Variants in ARB2A observed in about 807,000 individuals in gnomAD.
The protein encoded by ARB2A is cotranscriptional regulator ARB2A.
chr5:93,961,817 A>C, the ARB2A span, among the ~76,000 whole-genome samples: 1 of 152,246 alleles, frequency 6.6e-6, no homozygotes, highest in Non-Finnish European at 1.5e-5. Context: ...GTTGACTTTC[A>C]AAATATGAGA....
At chr5:94,098,611 A>T in the ARB2A span, among the ~76,000 whole-genome samples, 1 of 152,210 alleles carries the variant, frequency 6.6e-6, no homozygotes, top group Non-Finnish European at 1.5e-5. Context: ...CAAAGCTAGA[A>T]GACAAGCAAT....
chr5:93,907,956 A>G, the ARB2A span, among the ~76,000 whole-genome samples: 3 of 151,246 alleles, frequency 2.0e-5, no homozygotes, highest in Admixed American at 2.0e-4. Context: ...AGAAGGCAAA[A>G]ATTTGACAAT....
the ARB2A span, among the ~76,000 whole-genome samples, chr5:93,849,692 T>C: frequency 6.6e-6 from 1 of 152,146 alleles, no homozygotes; most frequent in Non-Finnish European, 1.5e-5. Flanking sequence ...GACTGACATA[T>C]GCAAATTTTT....
the ARB2A span, among the ~76,000 whole-genome samples, chr5:94,089,090 G>T: frequency 1.3e-5 from 2 of 152,186 alleles, no homozygotes; most frequent in Non-Finnish European, 2.9e-5. Flanking sequence ...GGGAGGACTT[G>T]ATGTTAGAAT....
chr5:93,816,761 TA>T, the ARB2A span, among the ~76,000 whole-genome samples: 2 of 152,108 alleles, frequency 1.3e-5, no homozygotes, highest in African/African-American at 2.4e-5. Flanking sequence ...ATGAAGGATA[TA>T]AAAGGATATA....
At chr5:93,740,908 C>T in the ARB2A span, 102 of 1,613,874 alleles carry the variant, frequency 6.3e-5, no homozygotes, top group Admixed American at 1.2e-3. Flanking sequence ...TCCGATTCGT[C>T]GCTCTCTGCT....
At chr5:93,837,789 G>C in the ARB2A span, among the ~76,000 whole-genome samples, 1 of 152,044 alleles carries the variant, frequency 6.6e-6, no homozygotes. Context: ...TCGTATGCTT[G>C]TTGGCCACAT....
the ARB2A span, among the ~76,000 whole-genome samples, chr5:93,893,760 T>C: frequency 6.6e-6 from 1 of 152,234 alleles, no homozygotes; most frequent in Non-Finnish European, 1.5e-5. Context: ...AGATGCCATT[T>C]AGCCAAAGGT....
the ARB2A span, among the ~76,000 whole-genome samples, chr5:93,729,135 C>G: frequency 6.6e-6 from 1 of 152,120 alleles, no homozygotes; most frequent in Admixed American, 6.5e-5. Context: ...TCTCTCCTCA[C>G]CTCGCTCCAC....
chr5:94,036,131 T>C, the ARB2A span, among the ~76,000 whole-genome samples: 43 of 152,320 alleles, frequency 2.8e-4, no homozygotes, highest in African/African-American at 1.0e-3. Context: ...TTCCAAATAT[T>C]TGAAGTATTT....
chr5:93,966,986 T>A, the ARB2A span, among the ~76,000 whole-genome samples: 1 of 151,750 alleles, frequency 6.6e-6, no homozygotes, highest in Non-Finnish European at 1.5e-5. Flanking sequence ...CCTGTCTACA[T>A]CTTTTGAGGG....
the ARB2A span, among the ~76,000 whole-genome samples, chr5:93,622,578 G>A: frequency 6.6e-6 from 1 of 152,174 alleles, no homozygotes; most frequent in Non-Finnish European, 1.5e-5. Flanking sequence ...GGCCCTACTA[G>A]AGAACCCCTC....
At chr5:93,634,513 G>A in the ARB2A span, among the ~76,000 whole-genome samples, 1 of 152,142 alleles carries the variant, frequency 6.6e-6, no homozygotes. Context: ...GTGGACTCAG[G>A]TGGCCATAGT....
the ARB2A span, among the ~76,000 whole-genome samples, chr5:93,953,726 T>C: frequency 6.6e-6 from 1 of 151,982 alleles, no homozygotes; most frequent in African/African-American, 2.4e-5. Flanking sequence ...GAACAGTGAG[T>C]TCCCCTCAGC....
the ARB2A span, among the ~76,000 whole-genome samples, chr5:93,957,309 C>T: frequency 1.3e-5 from 2 of 152,140 alleles, no homozygotes; most frequent in Non-Finnish European, 2.9e-5. Flanking sequence ...TCACCTAGCA[C>T]TGCATGTTGA....
chr5:93,670,068 G>A, the ARB2A span, among the ~76,000 whole-genome samples: 1 of 152,002 alleles, frequency 6.6e-6, no homozygotes, highest in East Asian at 1.9e-4. Flanking sequence ...CAATCTAGGA[G>A]TCATTTTTCA....
At chr5:93,713,382 A>T in the ARB2A span, among the ~76,000 whole-genome samples, 7 of 152,350 alleles carry the variant, frequency 4.6e-5, no homozygotes, top group Admixed American at 2.0e-4. Flanking sequence ...AATCCGATTT[A>T]AAAATGTACA....
chr5:93,792,290 A>G, the ARB2A span, among the ~76,000 whole-genome samples: 1 of 152,234 alleles, frequency 6.6e-6, no homozygotes, highest in African/African-American at 2.4e-5. Flanking sequence ...TAGATACAGT[A>G]TAAAAGTGTA....
chr5:93,790,816 G>A, the ARB2A span, among the ~76,000 whole-genome samples: 2 of 152,168 alleles, frequency 1.3e-5, no homozygotes, highest in Non-Finnish European at 2.9e-5. Flanking sequence ...GCAGTATAGT[G>A]TTATAGTTAA....
Sources: allele counts gnomAD v4.1 joint callset (sites outside exome capture counted in the v4.1 genomes callset), GRCh38; gene constraint gnomAD v4.1.1; transcripts MANE v1.5; gene names NCBI Gene and HGNC (gene_info 2026-07-23, HGNC 2026-07-21).